EGFR: variants seen among roughly 807,000 people sequenced by gnomAD.
EGFR encodes epidermal growth factor receptor, also known as avian erythroblastic leukemia viral (v-erb-b) oncogene homolog.
Under a neutral mutation model 143.0 loss-of-function variants are expected in EGFR, and 58 were observed. The ratio of observed to expected loss-of-function variants is 0.41; its 90% CI spans 0.33 to 0.50. EGFR has a LOEUF of 0.50. EGFR is among the 20% of genes least tolerant of loss of function. The pLI, the probability that EGFR is intolerant of heterozygous loss-of-function variation, is 0.39. For missense variants in EGFR, 1,307 were observed against 1,579.0 expected, an observed-to-expected ratio of 0.83 and a Z score of 2.92; for synonymous variants, 613 against 594.4, an observed-to-expected ratio of 1.03 and a Z score of -0.45.
Position 55,028,019 on chromosome 7 carries a change from TATATATAC to T in EGFR, c.88+8656_88+8663del, listed in dbSNP as rs1385446136. The stretch of plus-strand genomic sequence containing the variant: ...ATATATATATATATATATATATATA[TATATATAC>T]ACACACACACACATATGGAGGTAAA... On this transcript the variant is annotated intron_variant, in intron 1 of 27. Transcript: ENST00000275493. Among the ~76,000 whole-genome samples the T allele has an allele frequency of 1.5e-3, 170 of 116,360 alleles. 1 individual carries two copies. Among genetic ancestry groups the T allele is most frequent in the African/African-American group, 5.9e-3 (141 of 23,790 alleles). The allele number at this position is 116,360 out of a possible 152,430, so 76.3% of individuals were successfully genotyped here.
chr7:55,048,888 G>A (rs1788327486), intron 1 of EGFR, among the ~76,000 whole-genome samples: 1 of 152,190 alleles, frequency 6.6e-6, no homozygotes, highest in Non-Finnish European at 1.5e-5. Flanking sequence ...AGGAGCATGT[G>A]AGTGTTGATG....
At chr7:55,093,952 T>C (rs946755024) in intron 1 of EGFR, among the ~76,000 whole-genome samples, 7 of 152,076 alleles carry the variant, frequency 4.6e-5, no homozygotes, top group Non-Finnish European at 7.4e-5. Context: ...TCGTAAAGCA[T>C]CAGTTATGTT....
Position 55,047,417 on chromosome 7 carries a change from C to T in EGFR, c.88+28052C>T, listed in dbSNP as rs1172728749. On this transcript the variant is annotated intron_variant, in intron 1 of 27. Transcript: ENST00000275493. ...AATCAAAATGTTTTTAAGTGGAAAA[C>T]ATATTGTGTGTACTTGATCTGGCCT... is the stretch of plus-strand genomic sequence containing the variant. Among the ~76,000 whole-genome samples, 4 of 152,210 alleles carry T rather than the reference C, an allele frequency of 2.6e-5. No homozygotes were observed. The East Asian group carries it at 7.7e-4, about 29-fold the overall frequency.
chr7:55,049,651 C>T (rs1455364928), intron 1 of EGFR, among the ~76,000 whole-genome samples: 1 of 152,160 alleles, frequency 6.6e-6, no homozygotes, highest in Non-Finnish European at 1.5e-5. Context: ...CTGCTTCATG[C>T]TCCTTCCACC....
intron 4 of EGFR, 150 bp downstream of exon 4, chr7:55,146,890 T>A: frequency 8.0e-7 from 1 of 1,247,036 alleles, no homozygotes; most frequent in Non-Finnish European, 1.1e-6. Context: ...TAGAAAAGCA[T>A]GTATTTACCA....
chr7:55,104,091 C>T (rs1791980678), intron 1 of EGFR, among the ~76,000 whole-genome samples: 1 of 152,180 alleles, frequency 6.6e-6, no homozygotes. Flanking sequence ...TGTCTAGAAG[C>T]AGTGTTGGGC....
chr7:55,186,346 C>T (rs1339651046), intron 20 of EGFR, among the ~76,000 whole-genome samples: 3 of 152,226 alleles, frequency 2.0e-5, no homozygotes, highest in East Asian at 1.9e-4. Context: ...TCCAGGTTTG[C>T]TCCCTCCCCT....
rs140949740 is a variant in EGFR, at chr7:55,143,206, G to A, written c.241-99G>A. The A allele has an allele frequency of 1.1e-4, 140 of 1,281,850 alleles. 1 individual carries two copies. The highest frequency in any genetic ancestry group is 7.7e-4 in the Middle Eastern group (3 of 3,906). The allele number at this position is 1,281,850 out of a possible 1,614,324, so 79.4% of individuals were successfully genotyped here. A position where few individuals can be genotyped will look rare whatever the true frequency, so the allele number is the denominator to read the frequency against. On this transcript the variant is annotated intron_variant, in intron 2 of 27. Transcript: ENST00000275493. ...TTGTTGAGCACTCGTGTGCATTAGGGTTCAACTGGGCGTCCTAGGGCTCCC... is the reference window on the plus strand; with the variant it reads ...TTGTTGAGCACTCGTGTGCATTAGGATTCAACTGGGCGTCCTAGGGCTCCC...
chr7:55,118,763 A>C (rs4947978), intron 1 of EGFR, among the ~76,000 whole-genome samples: 92,858 of 151,760 alleles, frequency 0.61, 28,735 homozygotes, highest in Admixed American at 0.71. Flanking sequence ...GCGGGCGGGA[A>C]CCAGGACTGC....
chr7:55,115,898 G>A (rs117219369), intron 1 of EGFR, among the ~76,000 whole-genome samples: 293 of 152,276 alleles, frequency 1.9e-3, no homozygotes, highest in Non-Finnish European at 3.3e-3. Flanking sequence ...AGTTTTAAGC[G>A]ACCGCAGATT....
At chr7:55,042,932 G>A (rs779372242) in intron 1 of EGFR, among the ~76,000 whole-genome samples, 8 of 152,056 alleles carry the variant, frequency 5.3e-5, no homozygotes, top group Non-Finnish European at 1.0e-4. Flanking sequence ...AGACTCTCAC[G>A]TCTAGATGTG....
intron 11 of EGFR, among the ~76,000 whole-genome samples, chr7:55,158,293 G>A (rs1179994190): frequency 6.6e-6 from 1 of 152,168 alleles, no homozygotes; most frequent in Non-Finnish European, 1.5e-5. Context: ...TCTTTAATAT[G>A]GTAATGGTAA....
At chr7:55,153,857 C>A (rs759599153) in intron 6 of EGFR, among the ~76,000 whole-genome samples, 154 bp from the exon 7 acceptor site, 22 of 152,086 alleles carry the variant, frequency 1.4e-4, no homozygotes, top group Non-Finnish European at 2.9e-4. Flanking sequence ...CTGCAGAGGG[C>A]GCCAGCTGGG....
At chr7:55,200,473 A>T (rs1213303342) in intron 24 of EGFR, 60 bp downstream of exon 24, 1 of 1,527,384 alleles carries the variant, frequency 6.5e-7, no homozygotes, top group Non-Finnish European at 9.1e-7. Flanking sequence ...ATCTCATGTC[A>T]CTGTGTTCTG....
intron 1 of EGFR, among the ~76,000 whole-genome samples, chr7:55,104,182 C>T (rs773667207): frequency 3.3e-5 from 5 of 152,184 alleles, no homozygotes; most frequent in African/African-American, 1.2e-4. Flanking sequence ...GGCACTATCC[C>T]GAGTGCTTTG....
intron 15 of EGFR, among the ~76,000 whole-genome samples, chr7:55,166,621 G>GTGGTGTTGATGGTGA (rs1785997589): frequency 1.5e-5 from 2 of 137,594 alleles, no homozygotes; most frequent in African/African-American, 2.6e-5. Flanking sequence ...GGTGATGGTG[G>GTGGTGTTGATGGTGA]TGAGGAGGTG....
intron 1 of EGFR, among the ~76,000 whole-genome samples, chr7:55,078,178 G>C (rs969099227): frequency 1.3e-5 from 2 of 152,102 alleles, no homozygotes; most frequent in Non-Finnish European, 2.9e-5. Flanking sequence ...CGTGTGGGGA[G>C]GGGAGAAGGA....
At chr7:55,136,270 C>A (rs375543735) in intron 1 of EGFR, among the ~76,000 whole-genome samples, 1 of 152,072 alleles carries the variant, frequency 6.6e-6, no homozygotes, top group Non-Finnish European at 1.5e-5. Context: ...AGCAAGAAAG[C>A]GGGAAAAAAA....
chr7:55,139,285 T>C (rs1200043420), intron 1 of EGFR, among the ~76,000 whole-genome samples: 3 of 152,256 alleles, frequency 2.0e-5, no homozygotes. Flanking sequence ...TAAAAACCTC[T>C]TGCTCTTTGC....
Sources: allele counts gnomAD v4.1 joint callset (sites outside exome capture counted in the v4.1 genomes callset), GRCh38; gene constraint gnomAD v4.1.1; transcripts MANE v1.5; gene names NCBI Gene and HGNC (gene_info 2026-07-23, HGNC 2026-07-21).